The following ADAD1 variants were observed in gnomAD, a reference collection of about 807,000 sequenced individuals.
ADAD1 encodes the protein adenosine deaminase domain-containing protein 1.
In ADAD1, 46 loss-of-function variants were observed where a neutral mutation model predicts 66.8. That is an observed-to-expected ratio of 0.69 (90% CI 0.54 to 0.88). The LOEUF (loss-of-function observed/expected upper bound fraction) is 0.88. Among genes scored for constraint, ADAD1 ranks in the 40% least tolerant of loss-of-function variants. The pLI, the probability that ADAD1 is intolerant of heterozygous loss-of-function variation, is 0.00. For synonymous variants in ADAD1, 248 were observed against 229.4 expected (o/e 1.08, Z -0.73); for missense variants, 617 against 681.8 (o/e 0.91, Z 1.06).
chr4:122,392,650 G>T (rs995466993), intron 5 of ADAD1, among the ~76,000 whole-genome samples: 9 of 152,164 alleles, frequency 5.9e-5, no homozygotes, highest in African/African-American at 1.9e-4. Flanking sequence ...TCAGCATCAT[G>T]CAGTATTCCC....
chr4:122,379,542 A>C (rs1231876927), intron 2 of ADAD1, 97 bp downstream of exon 2: 1 of 153,040 alleles, frequency 6.5e-6, no homozygotes, highest in Non-Finnish European at 1.5e-5. Context: ...TGACCCTGTG[A>C]ACCTCGCGCA....
chr4:122,419,332 A>G (rs1008366381), intron 11 of ADAD1, among the ~76,000 whole-genome samples: 2 of 152,184 alleles, frequency 1.3e-5, no homozygotes, highest in African/African-American at 4.8e-5. Flanking sequence ...AAATGATGAG[A>G]ACACGTGGAC....
intron 5 of ADAD1, among the ~76,000 whole-genome samples, chr4:122,384,457 C>A (rs898186678): frequency 1.3e-5 from 2 of 152,078 alleles, no homozygotes; most frequent in African/African-American, 4.8e-5. Context: ...AAGTTGTTTG[C>A]CCTCTAAACC....
At chr4:122,403,661 G>T (rs1003960338) in intron 7 of ADAD1, among the ~76,000 whole-genome samples, 1 of 152,102 alleles carries the variant, frequency 6.6e-6, no homozygotes, top group African/African-American at 2.4e-5. Flanking sequence ...ACCATCTGTC[G>T]TAGGAGAATG....
At chr4:122,428,624 A>C (rs924557735) in intron 12 of ADAD1, among the ~76,000 whole-genome samples, 1 of 152,252 alleles carries the variant, frequency 6.6e-6, no homozygotes, top group African/African-American at 2.4e-5. Flanking sequence ...AACAACGTAA[A>C]TGAACTGAAA....
intron 3 of ADAD1, chr4:122,380,457 G>A: frequency 1.8e-6 from 1 of 554,462 alleles, no homozygotes; most frequent in Non-Finnish European, 3.1e-6. Context: ...CACCTTGACT[G>A]TTCAAACCCC....
At position 122,408,004 on chromosome 4, in the gene ADAD1, T is replaced by C. The variant is rs1440712891; in HGVS notation, c.821T>C (p.Val274Ala). Residue 274 changes from valine to alanine, a missense_variant, in exon 8 of 13, where the codon GTT (valine) becomes GCT (alanine). By Grantham distance (64) the Val-to-Ala change is moderately conservative. Transcript: ENST00000296513. The part of the protein sequence containing the change: ...DGRVLHDTHA[V>A]VTARRSLLRY... The stretch of plus-strand genomic sequence containing the variant: ...AGAGTATTGCATGACACTCATGCTG[T>C]TGTTACAGCAAGAAGGTCTCTTCTT... The C allele has an allele frequency of 2.5e-6, 4 of 1,613,356 alleles. No individual in the cohort carries two copies. Among genetic ancestry groups the C allele is most frequent in the East Asian group, 2.2e-5 (1 of 44,792 alleles).
At chr4:122,390,278 G>A (rs1427752133) in intron 5 of ADAD1, among the ~76,000 whole-genome samples, 1 of 152,106 alleles carries the variant, frequency 6.6e-6, no homozygotes, top group African/African-American at 2.4e-5. Context: ...TTTCTTTCTG[G>A]CTGCCCTTAA....
At chr4:122,411,100 C>G in intron 8 of ADAD1, 122 bp from the exon 9 acceptor site, 1 of 749,432 alleles carries the variant, frequency 1.3e-6, no homozygotes, top group South Asian at 2.3e-5. Context: ...TTTAGGAGTT[C>G]TTACCTGTGT....
chr4:122,428,447 A>G (rs1322903269), intron 12 of ADAD1, among the ~76,000 whole-genome samples: 5 of 152,346 alleles, frequency 3.3e-5, no homozygotes, highest in Admixed American at 2.0e-4. Context: ...ATTTACATGC[A>G]TGTTTATAAT....
In ADAD1 at chr4:122,388,192, C is replaced by G. The variant is rs967282783; in HGVS notation, c.529+4226C>G. ...ATTTATTGATTTGTGTATGTTGAAC[C>G]AGCCTTGCATTCCAGGGATGAAGCC... On this transcript the variant is annotated intron_variant, in intron 5 of 12. Coordinates refer to ENST00000296513, the MANE Select transcript of ADAD1 (RefSeq NM_139243.4). Among the ~76,000 whole-genome samples, 4 of 152,184 alleles carry G rather than the reference C, an allele frequency of 2.6e-5. No individual in the cohort carries two copies. The South Asian group carries it at 8.3e-4, about 31-fold the overall frequency.
chr4:122,417,428 A>T (rs963128340), intron 11 of ADAD1, among the ~76,000 whole-genome samples: 2 of 152,102 alleles, frequency 1.3e-5, no homozygotes, highest in Non-Finnish European at 2.9e-5. Flanking sequence ...GACAAAAAAA[A>T]CCTTAGCAAT....
chr4:122,414,431 T>A (rs894193848), intron 10 of ADAD1, among the ~76,000 whole-genome samples: 5 of 152,004 alleles, frequency 3.3e-5, no homozygotes, highest in Non-Finnish European at 7.4e-5. Flanking sequence ...CCAAGTATAT[T>A]TTTATTTGAT....
chr4:122,417,377 T>C (rs1334486253), intron 11 of ADAD1, among the ~76,000 whole-genome samples: 1 of 145,560 alleles, frequency 6.9e-6, no homozygotes, highest in Non-Finnish European at 1.5e-5. Flanking sequence ...ATAGTCTAAA[T>C]ATTAGACAAG....
chr4:122,426,313 A>G (rs1032661697), intron 12 of ADAD1, among the ~76,000 whole-genome samples: 2 of 152,192 alleles, frequency 1.3e-5, no homozygotes, highest in Admixed American at 6.5e-5. Context: ...ATATCCAAAT[A>G]GAACTTAAGA....
chr4:122,395,016 C>A (rs2150552015), intron 6 of ADAD1, among the ~76,000 whole-genome samples: 1 of 152,218 alleles, frequency 6.6e-6, no homozygotes, highest in South Asian at 2.1e-4. Context: ...CACTATTTCC[C>A]AGCCTGTGTG....
At chr4:122,412,882 A>G in intron 10 of ADAD1, 73 bp downstream of exon 10, 1 of 1,318,346 alleles carries the variant, frequency 7.6e-7, no homozygotes, top group East Asian at 2.3e-5. Context: ...TTATCAGTAT[A>G]AAATTAGTTT....
intron 11 of ADAD1, among the ~76,000 whole-genome samples, chr4:122,418,160 G>A (rs1351993946): frequency 3.3e-5 from 5 of 151,898 alleles, no homozygotes; most frequent in African/African-American, 1.2e-4. Context: ...GATGCAATCA[G>A]AAATAGAGAA....
At chr4:122,413,253 C>T (rs1372008969) in intron 10 of ADAD1, among the ~76,000 whole-genome samples, 2 of 152,064 alleles carry the variant, frequency 1.3e-5, no homozygotes, top group Non-Finnish European at 2.9e-5. Context: ...TATTTTAAAG[C>T]ATTATTTTAC....
Sources: allele counts gnomAD v4.1 joint callset (sites outside exome capture counted in the v4.1 genomes callset), GRCh38; gene constraint gnomAD v4.1.1; transcripts MANE v1.5; gene names NCBI Gene and HGNC (gene_info 2026-07-23, HGNC 2026-07-21).